Variants in MAMLD1 observed in about 807,000 individuals in gnomAD.
MAMLD1 encodes mastermind-like domain-containing protein 1.
Under a neutral mutation model 45.0 loss-of-function variants are expected in MAMLD1, and 14 were observed. The ratio of observed to expected loss-of-function variants is 0.31; its 90% CI spans 0.21 to 0.49. The LOEUF (loss-of-function observed/expected upper bound fraction) is 0.49. Ranked by LOEUF, MAMLD1 falls within the 20% of genes least tolerant of loss-of-function variation. The pLI, the probability that MAMLD1 is intolerant of heterozygous loss-of-function variation, is 0.99. For synonymous variants in MAMLD1, 254 were observed against 247.8 expected (o/e 1.02, Z -0.24); for missense variants, 543 against 603.6 (o/e 0.90, Z 1.05).
chrX:150,463,096 A>C (rs955324539), intron 3 of MAMLD1, among the ~76,000 whole-genome samples: 1 of 112,333 alleles, frequency 8.9e-6, no homozygotes, highest in Non-Finnish European at 1.9e-5. Context: ...ATTTAGGTGA[A>C]ATGTAGATTA....
chrX:150,404,567 A>G lies in MAMLD1; in HGVS notation c.-63-40887A>G, dbSNP rs782334144. ...GGTGTAATTGATGTACAGTAAACTG[A>G]AAATATCTAAAGTACAATTTGATCA... On this transcript the variant is annotated intron_variant, in intron 1 of 7. Transcript: ENST00000370401. 2.5e-3 allele frequency among the ~76,000 whole-genome samples: 282 copies of G among 111,755 alleles called. 3 individuals carry two copies. Among genetic ancestry groups the G allele is most frequent in the African/African-American group, 8.9e-3 (273 of 30,761 alleles).
Position 150,375,482 on chromosome X carries a change from G to A in MAMLD1, c.-64+11952G>A, listed in dbSNP as rs184283890. 3.6e-5 allele frequency among the ~76,000 whole-genome samples: 4 copies of A among 112,486 alleles called. No homozygotes were observed. The East Asian group carries it at 8.4e-4, about 24-fold the overall frequency. On this transcript the variant is annotated intron_variant, in intron 1 of 7. Coordinates refer to ENST00000370401, the MANE Select transcript of MAMLD1 (RefSeq NM_005491.5). ...GCAGTTCCAAAGTGGAGGCTGCCAC[G>A]CATTTGCAGAGCTTTTAAGTCCCTT...
In MAMLD1 at chrX:150,439,716, C is replaced by G. The variant is rs377027527; in HGVS notation, c.-63-5738C>G. ...TTGGGAGGCTGAGGCTAGCGAATCA[C>G]TTGAGGTCAGGAGTTCCAGACCAAC... is the stretch of plus-strand genomic sequence containing the variant. On this transcript the variant is annotated intron_variant, in intron 1 of 7. Transcript: ENST00000370401. Among the ~76,000 whole-genome samples the G allele has an allele frequency of 4.2e-4, 47 of 111,859 alleles. No individual in the cohort carries two copies. In the East Asian group the frequency reaches 0.013, roughly 30 times the overall value.
Position 150,452,357 on chromosome X carries a change from T to C in MAMLD1, c.96+6745T>C, listed in dbSNP as rs781920813. 1.6e-4 allele frequency among the ~76,000 whole-genome samples: 18 copies of C among 110,663 alleles called. No homozygotes were observed. In the South Asian group the frequency reaches 6.6e-3, roughly 40 times the overall value. ...AGGAAACTACCTGGCCTTCAGAGAG[T>C]TATGTGGTGGAGGTGGGAAATGCAT... On this transcript the variant is annotated intron_variant, in intron 2 of 7. Transcript: ENST00000370401.
At chrX:150,368,387 G>A (rs1364830492) in intron 1 of MAMLD1, among the ~76,000 whole-genome samples, 10 of 108,229 alleles carry the variant, frequency 9.2e-5, no homozygotes, top group Non-Finnish European at 1.3e-4. Context: ...CATATCCTTC[G>A]CCCAATTTTT....
At chrX:150,435,773 A>G (rs1461118343) in intron 1 of MAMLD1, among the ~76,000 whole-genome samples, 1 of 112,216 alleles carries the variant, frequency 8.9e-6, no homozygotes, top group Non-Finnish European at 1.9e-5. Flanking sequence ...TTTACTGGTT[A>G]TTATACAGGA....
chrX:150,362,455 A>T (rs1420452709), upstream of MAMLD1, among the ~76,000 whole-genome samples: 3 of 92,403 alleles, frequency 3.2e-5, no homozygotes, highest in Non-Finnish European at 6.6e-5. Context: ...CTCTCCTCTC[A>T]TCTCCTCTCC....
chrX:150,470,120 C>T lies in MAMLD1; in HGVS notation c.547C>T (p.Leu183Phe). The change falls in exon 4 of 8, where the codon CTC becomes TTC. Residue 183 changes from leucine (L) to phenylalanine (F), a missense_variant. Transcript: ENST00000370401. Reference sequence around the variant, plus strand: ...GGAGCTTCAAGAGCTGCTAGAGGAGCTCACCAAAATTCAAGACCCTTCTCC... The same window carrying T: ...GGAGCTTCAAGAGCTGCTAGAGGAGTTCACCAAAATTCAAGACCCTTCTCC... ...DQELQELLEE[L>F]TKIQDPSPNE... 1.7e-6 allele frequency: 2 copies of T among 1,211,713 alleles called. No individual in the cohort carries two copies. Among genetic ancestry groups the T allele is most frequent in the Non-Finnish European group, 2.2e-6 (2 of 895,526 alleles).
intron 6 of MAMLD1, chrX:150,504,223 G>A (rs1273049144): frequency 1.3e-6 from 1 of 751,509 alleles, no homozygotes; most frequent in African/African-American, 2.3e-5. Flanking sequence ...CAAGCGGATG[G>A]ACACCAGCCA....
Position 150,502,738 on chromosome X carries a change from C to G in MAMLD1, c.2041-536C>G, listed in dbSNP as rs186391886. The stretch of plus-strand genomic sequence containing the variant: ...CGTGACTGTTTGGTTTTGCACTCAC[C>G]ATTTGGTTTTGCAGATTCCTCAGCG... On this transcript the variant is annotated intron_variant, in intron 5 of 7. Coordinates refer to ENST00000370401, the MANE Select transcript of MAMLD1 (RefSeq NM_005491.5). Among the ~76,000 whole-genome samples, 561 of 104,889 alleles carry G rather than the reference C, an allele frequency of 5.3e-3. 2 individuals carry two copies. The highest frequency in any genetic ancestry group is 8.2e-3 in the Non-Finnish European group (425 of 51,837). The allele number at this position is 104,889 out of a possible 115,157, so 91.1% of individuals were successfully genotyped here.
intron 1 of MAMLD1, among the ~76,000 whole-genome samples, chrX:150,414,145 C>A (rs2045756625): frequency 9.2e-6 from 1 of 108,705 alleles, no homozygotes; most frequent in African/African-American, 3.3e-5. Flanking sequence ...CTTGATGTGG[C>A]CCCCCTGGAA....
rs192198425 is a variant in MAMLD1 at position 150,434,496 on chromosome X, C to T, written c.-63-10958C>T. On this transcript the variant is annotated intron_variant, in intron 1 of 7. Coordinates refer to ENST00000370401, the MANE Select transcript of MAMLD1 (RefSeq NM_005491.5). ...AGTTACTCTACATCTCCTGTAGTGGCGATGTTAGGTTGTTAATTTAAGATC... is the reference window on the plus strand; with the variant it reads ...AGTTACTCTACATCTCCTGTAGTGGTGATGTTAGGTTGTTAATTTAAGATC... 1.3e-3 allele frequency among the ~76,000 whole-genome samples: 141 copies of T among 110,551 alleles called. No individual in the cohort carries two copies. In the South Asian group the frequency reaches 0.017, roughly 14 times the overall value.
At chrX:150,409,882 G>A (rs1282567947) in intron 1 of MAMLD1, among the ~76,000 whole-genome samples, 1 of 112,584 alleles carries the variant, frequency 8.9e-6, no homozygotes, top group African/African-American at 3.2e-5. Flanking sequence ...CACATTTGTG[G>A]GGAGGTGGGG....
At chrX:150,441,728 C>T (rs1418447645) in intron 1 of MAMLD1, among the ~76,000 whole-genome samples, 1 of 110,703 alleles carries the variant, frequency 9.0e-6, no homozygotes, top group Non-Finnish European at 1.9e-5. Context: ...GTATATATTT[C>T]TTGGGTGTTT....
At chrX:150,455,635 C>T (rs1334240623) in intron 2 of MAMLD1, among the ~76,000 whole-genome samples, 2 of 111,835 alleles carry the variant, frequency 1.8e-5, no homozygotes, top group Non-Finnish European at 3.8e-5. Context: ...GGAAAAATGA[C>T]TTGCCCAAGG....
intron 6 of MAMLD1, among the ~76,000 whole-genome samples, chrX:150,507,880 C>A (rs1222075881): frequency 3.6e-5 from 4 of 112,348 alleles, no homozygotes; most frequent in African/African-American, 9.7e-5. Context: ...TCTGCCCCTG[C>A]CCCTGAACCC....
chrX:150,484,033 G>C lies in MAMLD1; in HGVS notation c.2040+10231G>C, dbSNP rs782645973. On this transcript the variant is annotated intron_variant, in intron 5 of 7. Coordinates refer to ENST00000370401, the MANE Select transcript of MAMLD1 (RefSeq NM_005491.5). ...AGTGGTCTTCACTTACACACAGTGT[G>C]TTTGTAACTCTGCTATTTCTTTATG... is the stretch of plus-strand genomic sequence containing the variant. 2.3e-4 allele frequency among the ~76,000 whole-genome samples: 26 copies of C among 112,459 alleles called. 1 individual carries two copies. The South Asian group carries it at 9.5e-3, about 41-fold the overall frequency.
At position 150,380,955 on chromosome X, in the gene MAMLD1, G is replaced by A. The variant is rs146861777; in HGVS notation, c.-64+17425G>A. 5.4e-3 allele frequency among the ~76,000 whole-genome samples: 592 copies of A among 110,246 alleles called. 2 individuals are homozygous for A. The highest frequency in any genetic ancestry group is 0.019 in the African/African-American group (571 of 30,270). On this transcript the variant is annotated intron_variant, in intron 1 of 7. Transcript: ENST00000370401. ...GGGCTTAGGCGTTCCTCCTGTCTCA[G>A]CCTTCCAAAATGCTGGGATTATAGG...
intron 2 of MAMLD1, among the ~76,000 whole-genome samples, chrX:150,446,364 T>C (rs907078901): frequency 9.0e-6 from 1 of 111,534 alleles, no homozygotes; most frequent in African/African-American, 3.3e-5. Context: ...AAATGGCTCT[T>C]ATAGAGCCGT....
Sources: allele counts gnomAD v4.1 joint callset (sites outside exome capture counted in the v4.1 genomes callset), GRCh38; gene constraint gnomAD v4.1.1; transcripts MANE v1.5; gene names NCBI Gene and HGNC (gene_info 2026-07-23, HGNC 2026-07-21).